The following KIAA1217 variants were observed in gnomAD, a reference collection of about 807,000 sequenced individuals.
KIAA1217 encodes KIAA1217, also known as sickle tail protein homolog.
Under a neutral mutation model 163.9 loss-of-function variants are expected in KIAA1217, and 88 were observed. That is an observed-to-expected ratio of 0.54 (90% CI 0.45 to 0.64). The LOEUF (loss-of-function observed/expected upper bound fraction) is 0.64, where lower values mean the gene tolerates loss of function less well. KIAA1217 is among the 30% of genes least tolerant of loss of function. KIAA1217 has a pLI of 0.00. For synonymous variants in KIAA1217, 903 were observed against 923.1 expected, an observed-to-expected ratio of 0.98 and a Z score of 0.39; for missense variants, 2,372 against 2,475.0, an observed-to-expected ratio of 0.96 and a Z score of 0.88.
intron 1 of KIAA1217, among the ~76,000 whole-genome samples, chr10:23,956,478 A>G (rs1844563858): frequency 6.6e-6 from 1 of 152,140 alleles, no homozygotes; most frequent in Admixed American, 6.5e-5. Flanking sequence ...ATTAAAAAAA[A>G]AATGTCTACA....
intron 2 of KIAA1217, among the ~76,000 whole-genome samples, chr10:24,302,294 C>G (rs1176434898): frequency 2.0e-5 from 3 of 152,190 alleles, no homozygotes; most frequent in Non-Finnish European, 4.4e-5. Context: ...GGATGTCCAT[C>G]ATGGGTAAGG....
At chr10:24,057,977 A>G (rs1241507477) in intron 2 of KIAA1217, among the ~76,000 whole-genome samples, 1 of 152,200 alleles carries the variant, frequency 6.6e-6, no homozygotes, top group African/African-American at 2.4e-5. Context: ...ATCATTGCTG[A>G]GGCCAATGTC....
chr10:24,335,356 A>T (rs2046209164), intron 2 of KIAA1217, among the ~76,000 whole-genome samples: 1 of 149,670 alleles, frequency 6.7e-6, no homozygotes, highest in Non-Finnish European at 1.5e-5. Context: ...GCAGTGGCAC[A>T]ATCTCAGCTC....
At chr10:24,542,536 A>C (rs2075242878) in intron 17 of KIAA1217, 157 bp from the exon 18 acceptor site, 2 of 1,459,518 alleles carry the variant, frequency 1.4e-6, no homozygotes, top group Non-Finnish European at 1.8e-6. Flanking sequence ...GAACAAAGCA[A>C]TCCAAGGTAA....
chr10:23,910,235 C>A (rs915179659), intron 1 of KIAA1217, among the ~76,000 whole-genome samples: 1 of 151,278 alleles, frequency 6.6e-6, no homozygotes, highest in Non-Finnish European at 1.5e-5. Flanking sequence ...TACCGTGGCA[C>A]GTGTATACCT....
chr10:24,185,592 C>G (rs1038204376), intron 2 of KIAA1217, among the ~76,000 whole-genome samples: 1 of 151,916 alleles, frequency 6.6e-6, no homozygotes, highest in Admixed American at 6.6e-5. Context: ...GTAAGGAGTG[C>G]GAGACCAGCC....
At chr10:23,866,731 A>T (rs542193263) in intron 1 of KIAA1217, among the ~76,000 whole-genome samples, 4 of 152,154 alleles carry the variant, frequency 2.6e-5, no homozygotes, top group Non-Finnish European at 4.4e-5. Flanking sequence ...AGACCTTTGC[A>T]TTCTGTAGAC....
chr10:24,197,492 G>A (rs2067044924), intron 2 of KIAA1217, among the ~76,000 whole-genome samples: 1 of 152,216 alleles, frequency 6.6e-6, no homozygotes, highest in South Asian at 2.1e-4. Context: ...GCCTATTTGT[G>A]GTAGCACTGA....
At chr10:23,761,101 A>G (rs981639064) in intron 1 of KIAA1217, among the ~76,000 whole-genome samples, 6 of 152,058 alleles carry the variant, frequency 3.9e-5, no homozygotes, top group African/African-American at 1.2e-4. Context: ...AAAAATTAAA[A>G]TGAAAACTAA....
chr10:23,826,881 T>C (rs959894728), intron 1 of KIAA1217, among the ~76,000 whole-genome samples: 1 of 152,192 alleles, frequency 6.6e-6, no homozygotes, highest in Non-Finnish European at 1.5e-5. Context: ...TCATGGTTGT[T>C]GAGAGTCAAG....
intron 2 of KIAA1217, among the ~76,000 whole-genome samples, chr10:24,068,310 A>T (rs541069017): frequency 1.4e-4 from 22 of 152,228 alleles, no homozygotes; most frequent in African/African-American, 5.3e-4. Flanking sequence ...TGTATTCTTC[A>T]GCTCCAAGAT....
intron 2 of KIAA1217, among the ~76,000 whole-genome samples, chr10:24,063,377 C>T (rs1180298737): frequency 6.6e-6 from 1 of 152,176 alleles, no homozygotes; most frequent in East Asian, 1.9e-4. Flanking sequence ...GTTTTCCCAA[C>T]ACCATTTATT....
At chr10:24,309,584 C>T (rs1337279391) in intron 2 of KIAA1217, among the ~76,000 whole-genome samples, 1 of 152,218 alleles carries the variant, frequency 6.6e-6, no homozygotes. Flanking sequence ...AACACAGTTT[C>T]TTCAACATTG....
At chr10:24,276,314 A>G (rs1467670898) in intron 2 of KIAA1217, among the ~76,000 whole-genome samples, 1 of 152,230 alleles carries the variant, frequency 6.6e-6, no homozygotes, top group Non-Finnish European at 1.5e-5. Flanking sequence ...TTGAAAAATG[A>G]AAGTCTTTTC....
At chr10:23,984,098 G>T (rs899712985) in intron 1 of KIAA1217, among the ~76,000 whole-genome samples, 3 of 152,194 alleles carry the variant, frequency 2.0e-5, no homozygotes, top group Non-Finnish European at 2.9e-5. Flanking sequence ...ATAGGTAAAA[G>T]AATATTCTTT....
intron 1 of KIAA1217, among the ~76,000 whole-genome samples, chr10:23,836,112 G>C (rs749710824): frequency 6.6e-6 from 1 of 152,100 alleles, no homozygotes; most frequent in African/African-American, 2.4e-5. Context: ...TGCTTTAGTA[G>C]TCTTTCCCTA....
chr10:23,978,204 A>G (rs1021262184), intron 1 of KIAA1217, among the ~76,000 whole-genome samples: 2 of 152,184 alleles, frequency 1.3e-5, no homozygotes, highest in African/African-American at 2.4e-5. Context: ...CAAGCTTAAT[A>G]TTCAGAGACT....
At chr10:23,810,829 C>T (rs1465484629) in intron 1 of KIAA1217, among the ~76,000 whole-genome samples, 1 of 122,072 alleles carries the variant, frequency 8.2e-6, no homozygotes, top group Non-Finnish European at 1.6e-5. Context: ...ATTATATATA[C>T]TATATATTAT....
At chr10:24,164,243 G>A (rs540709950) in intron 2 of KIAA1217, among the ~76,000 whole-genome samples, 1 of 152,286 alleles carries the variant, frequency 6.6e-6, no homozygotes, top group South Asian at 2.1e-4. Flanking sequence ...ACAGGCTTCC[G>A]CCCCAGGACA....
Sources: gnomAD v4.1 joint callset for allele counts (sites outside exome capture counted in the v4.1 genomes callset) on GRCh38, gnomAD v4.1.1 for gene constraint, MANE v1.5 for transcripts, NCBI Gene and HGNC (gene_info 2026-07-23, HGNC 2026-07-21) for gene names.